Variants in ABTB3 observed in about 807,000 individuals in gnomAD.
ABTB3 encodes ankyrin repeat- and BTB/POZ domain-containing protein 3.
At chr12:107,457,263 G>T in the ABTB3 span, among the ~76,000 whole-genome samples, 2 of 152,316 alleles carry the variant, frequency 1.3e-5, no homozygotes, top group African/African-American at 4.8e-5. Flanking sequence ...GCTCATCTTT[G>T]ATGGTAATGG....
At chr12:107,570,200 T>C in the ABTB3 span, among the ~76,000 whole-genome samples, 916 of 151,716 alleles carry the variant, frequency 6.0e-3, 3 homozygotes, top group Non-Finnish European at 8.1e-3. Context: ...TATAAATATA[T>C]TCGTTGTTAA....
At chr12:107,320,856 C>T in the ABTB3 span, among the ~76,000 whole-genome samples, 1 of 151,856 alleles carries the variant, frequency 6.6e-6, no homozygotes, top group African/African-American at 2.4e-5. Context: ...CAGGATGGAG[C>T]TGGCGGGGGG....
At chr12:107,640,966 G>A in the ABTB3 span, among the ~76,000 whole-genome samples, 35,088 of 152,066 alleles carry the variant, frequency 0.23, 4,601 homozygotes, top group African/African-American at 0.35. Flanking sequence ...AGGCTGGGGC[G>A]GAGGAGAGAT....
chr12:107,601,977 C>T, the ABTB3 span, among the ~76,000 whole-genome samples: 48 of 152,284 alleles, frequency 3.2e-4, no homozygotes, highest in African/African-American at 9.1e-4. Context: ...GCCTGGCCTC[C>T]GAGCCCAGAT....
the ABTB3 span, chr12:107,615,181 A>G: frequency 6.3e-7 from 1 of 1,589,112 alleles, no homozygotes. Context: ...GTATTTCCCT[A>G]TCCACATCTG....
At chr12:107,491,822 C>CAA in the ABTB3 span, among the ~76,000 whole-genome samples, 253 of 61,590 alleles carry the variant, frequency 4.1e-3, 2 homozygotes, top group African/African-American at 0.011. Flanking sequence ...GACTCTGTCT[C>CAA]AAAAAAAAAA....
At chr12:107,610,445 C>A in the ABTB3 span, 1 of 1,510,682 alleles carries the variant, frequency 6.6e-7, no homozygotes, top group African/African-American at 1.4e-5. Flanking sequence ...ATCCCCTCTG[C>A]AGGCGCTGGG....
chr12:107,604,670 T>C, the ABTB3 span, among the ~76,000 whole-genome samples: 2 of 152,194 alleles, frequency 1.3e-5, no homozygotes, highest in African/African-American at 4.8e-5. Flanking sequence ...CTGGTGGGAA[T>C]GTAAATTATT....
At chr12:107,553,142 A>G in the ABTB3 span, among the ~76,000 whole-genome samples, 3 of 152,226 alleles carry the variant, frequency 2.0e-5, no homozygotes, top group Non-Finnish European at 2.9e-5. Flanking sequence ...CATAAGTGTC[A>G]TGCATGATCA....
chr12:107,362,749 T>C, the ABTB3 span, among the ~76,000 whole-genome samples: 1 of 151,544 alleles, frequency 6.6e-6, no homozygotes, highest in Non-Finnish European at 1.5e-5. Flanking sequence ...ACTATGATCA[T>C]GCCACTGCTC....
At chr12:107,579,671 C>T in the ABTB3 span, among the ~76,000 whole-genome samples, 2 of 152,242 alleles carry the variant, frequency 1.3e-5, no homozygotes, top group African/African-American at 2.4e-5. Flanking sequence ...ATAACCCCAT[C>T]TACCTGTCAT....
chr12:107,657,148 A>G, the ABTB3 span, among the ~76,000 whole-genome samples: 1 of 152,216 alleles, frequency 6.6e-6, no homozygotes, highest in Admixed American at 6.5e-5. Context: ...CTCACTGATA[A>G]ACTTCATCAA....
At chr12:107,608,925 A>AATAAT in the ABTB3 span, among the ~76,000 whole-genome samples, 1 of 90,984 alleles carries the variant, frequency 1.1e-5, no homozygotes, top group Non-Finnish European at 2.0e-5. Flanking sequence ...AATAAAATAA[A>AATAAT]ATAAAATAAA....
chr12:107,520,867 C>T, the ABTB3 span, among the ~76,000 whole-genome samples: 3 of 152,172 alleles, frequency 2.0e-5, no homozygotes, highest in African/African-American at 7.2e-5. Flanking sequence ...AGGTCAGGTT[C>T]CTAAGCTTTT....
At chr12:107,482,755 T>C in the ABTB3 span, among the ~76,000 whole-genome samples, 1 of 152,030 alleles carries the variant, frequency 6.6e-6, no homozygotes, top group Non-Finnish European at 1.5e-5. Flanking sequence ...AGAGCTTGCT[T>C]TGATGCTTGC....
chr12:107,404,683 A>G, the ABTB3 span, among the ~76,000 whole-genome samples: 1 of 152,112 alleles, frequency 6.6e-6, no homozygotes, highest in African/African-American at 2.4e-5. Context: ...TTTGGGGAGC[A>G]TTTATTAATG....
At chr12:107,353,106 G>T in the ABTB3 span, among the ~76,000 whole-genome samples, 1 of 152,166 alleles carries the variant, frequency 6.6e-6, no homozygotes, top group Admixed American at 6.5e-5. Flanking sequence ...CACACTCAAG[G>T]CCAAGAGTCA....
chr12:107,468,266 C>T, the ABTB3 span, among the ~76,000 whole-genome samples: 4,011 of 152,180 alleles, frequency 0.026, 179 homozygotes, highest in African/African-American at 0.092. Context: ...TGGAGCCAGC[C>T]GGCTGGGGTG....
chr12:107,492,378 C>T, the ABTB3 span, among the ~76,000 whole-genome samples: 1 of 152,174 alleles, frequency 6.6e-6, no homozygotes, highest in Non-Finnish European at 1.5e-5. Context: ...GGCACTGTTC[C>T]TCTCTCCATC....
Sources: allele counts gnomAD v4.1 joint callset (sites outside exome capture counted in the v4.1 genomes callset), GRCh38; gene constraint gnomAD v4.1.1; transcripts MANE v1.5; gene names NCBI Gene and HGNC (gene_info 2026-07-23, HGNC 2026-07-21).